The following KYNU variants were observed in gnomAD, a reference collection of about 807,000 sequenced individuals.
KYNU encodes L-kynurenine hydrolase.
Under a neutral mutation model 59.2 loss-of-function variants are expected in KYNU, and 54 were observed. The ratio of observed to expected loss-of-function variants is 0.91; its 90% CI spans 0.73 to 1.14. KYNU has a LOEUF of 1.14. KYNU is among the 50% of genes most tolerant of loss of function. KYNU has a pLI of 0.00. For synonymous variants in KYNU, 177 were observed against 192.0 expected (o/e 0.92, Z 0.65); for missense variants, 567 against 554.4 (o/e 1.02, Z -0.23).
chr2:142,987,079 A>G (rs1685226610), intron 10 of KYNU, among the ~76,000 whole-genome samples: 1 of 151,932 alleles, frequency 6.6e-6, no homozygotes, highest in African/African-American at 2.4e-5. Context: ...CTTGAATATC[A>G]TTATCAGTAC....
intron 10 of KYNU, among the ~76,000 whole-genome samples, chr2:143,023,567 T>C (rs184251991): frequency 2.6e-5 from 4 of 152,008 alleles, no homozygotes; most frequent in Admixed American, 2.6e-4. Flanking sequence ...CTGTAATGTT[T>C]GCTTTATGAG....
At chr2:142,905,960 C>A (rs1388377863) in intron 2 of KYNU, among the ~76,000 whole-genome samples, 1 of 151,658 alleles carries the variant, frequency 6.6e-6, no homozygotes, top group East Asian at 1.9e-4. Context: ...TTTTTCTTTA[C>A]TACTTCTATC....
At chr2:142,890,596 G>A (rs1480262216) in intron 2 of KYNU, among the ~76,000 whole-genome samples, 1 of 152,130 alleles carries the variant, frequency 6.6e-6, no homozygotes, top group African/African-American at 2.4e-5. Flanking sequence ...TCCTACCTTA[G>A]CTCCTGGGGT....
chr2:142,957,721 T>G lies in KYNU; in HGVS notation c.582+6T>G. On this transcript the variant is annotated splice_donor_region_variant and intron_variant, in intron 7 of 13. Coordinates refer to ENST00000264170, the MANE Select transcript of KYNU (RefSeq NM_003937.3). ...GGATGATAAAGCCAAGAGAGGTATA[T>G]GAGAAAGAAAGAAATATTTGTCATG... 6.5e-7 allele frequency: 1 copy of G among 1,549,072 alleles called. No homozygotes were observed. The highest frequency in any genetic ancestry group is 8.9e-7 in the Non-Finnish European group (1 of 1,121,338).
chr2:142,988,344 A>C (rs1488988062), intron 10 of KYNU, among the ~76,000 whole-genome samples: 1 of 151,880 alleles, frequency 6.6e-6, no homozygotes, highest in African/African-American at 2.4e-5. Flanking sequence ...ATAACCTCAA[A>C]GTTTATGGTT....
In KYNU at chr2:142,902,991, C is replaced by G. The variant is rs534616733; in HGVS notation, c.170-15618C>G. Among the ~76,000 whole-genome samples the G allele has an allele frequency of 7.2e-5, 11 of 152,266 alleles. No homozygotes were observed. The East Asian group carries it at 1.9e-3, about 27-fold the overall frequency. On this transcript the variant is annotated intron_variant, in intron 2 of 13. Transcript: ENST00000264170. ...AGGACTGTAAACCACTCTGCTTCCT[C>G]TGGTATTTGGGAAAGCAGAGTAGAA...
At chr2:142,917,569 C>T (rs1306458678) in intron 2 of KYNU, among the ~76,000 whole-genome samples, 2 of 152,044 alleles carry the variant, frequency 1.3e-5, no homozygotes, top group Admixed American at 6.6e-5. Context: ...CCAAAAGTGC[C>T]GGGATTACAG....
At chr2:142,953,747 A>C (rs2105081297) in intron 4 of KYNU, among the ~76,000 whole-genome samples, 1 of 152,294 alleles carries the variant, frequency 6.6e-6, no homozygotes, top group Non-Finnish European at 1.5e-5. Context: ...AAATGGAGAA[A>C]TCTATGTGGC....
intron 2 of KYNU, among the ~76,000 whole-genome samples, chr2:142,911,139 T>C (rs1682467139): frequency 6.6e-6 from 1 of 152,222 alleles, no homozygotes; most frequent in Non-Finnish European, 1.5e-5. Context: ...TTTGAATCTA[T>C]AAATTGCTTT....
intron 4 of KYNU, among the ~76,000 whole-genome samples, chr2:142,950,559 T>C (rs552816118): frequency 3.7e-4 from 56 of 151,842 alleles, no homozygotes; most frequent in Non-Finnish European, 6.5e-4. Flanking sequence ...ATGAGACTTA[T>C]TCACTATCAG....
At chr2:142,894,733 T>G (rs1011810235) in intron 2 of KYNU, among the ~76,000 whole-genome samples, 1 of 152,188 alleles carries the variant, frequency 6.6e-6, no homozygotes, top group African/African-American at 2.4e-5. Flanking sequence ...TGTTTCCATA[T>G]ATAGAGAGAG....
intron 10 of KYNU, among the ~76,000 whole-genome samples, chr2:143,018,614 A>T (rs546067568): frequency 1.8e-4 from 27 of 152,158 alleles, no homozygotes; most frequent in South Asian, 6.2e-4. Flanking sequence ...TGCTTTGTCT[A>T]TTTGGGCTCT....
chr2:143,022,014 A>C (rs1378239088), intron 10 of KYNU, among the ~76,000 whole-genome samples: 2 of 152,182 alleles, frequency 1.3e-5, no homozygotes, highest in Non-Finnish European at 2.9e-5. Flanking sequence ...CCAGACTACC[A>C]TACTAAAGTA....
At chr2:142,922,153 ATAC>A (rs1285120525) in intron 3 of KYNU, among the ~76,000 whole-genome samples, 1 of 152,178 alleles carries the variant, frequency 6.6e-6, no homozygotes, top group Non-Finnish European at 1.5e-5. Flanking sequence ...CACTTATTAA[ATAC>A]TACAATGCAC....
chr2:142,974,903 C>T (rs1213993818), intron 8 of KYNU, among the ~76,000 whole-genome samples: 1 of 152,128 alleles, frequency 6.6e-6, no homozygotes, highest in Admixed American at 6.6e-5. Context: ...AGGACATTCC[C>T]TTCATATTTT....
At chr2:142,981,344 A>G (rs1019161652) in intron 8 of KYNU, among the ~76,000 whole-genome samples, 1 of 152,180 alleles carries the variant, frequency 6.6e-6, no homozygotes, top group African/African-American at 2.4e-5. Context: ...AAATTGCTTC[A>G]TAAAAGTTGC....
At chr2:142,952,987 A>G (rs1169252296) in intron 4 of KYNU, among the ~76,000 whole-genome samples, 1 of 152,162 alleles carries the variant, frequency 6.6e-6, no homozygotes, top group Non-Finnish European at 1.5e-5. Flanking sequence ...CAAGAGTAAG[A>G]TCAAGTTACT....
At position 142,960,726 on chromosome 2, in the gene KYNU, C is replaced by T. The variant is rs771373782; in HGVS notation, c.685C>T (p.Gln229Ter). 1.2e-6 allele frequency: 2 copies of T among 1,613,804 alleles called. No homozygotes were observed. Among genetic ancestry groups the T allele is most frequent in the East Asian group, 2.2e-5 (1 of 44,874 alleles). ...CAGTGGGGTGCATTTTTACACTGGA[C>T]AGCACTTTAATATTCCTGCCATCAC... is the stretch of plus-strand genomic sequence containing the variant. The part of the protein sequence containing the change: ...LFSGVHFYTG[Q>*]HFNIPAITKA... The change falls in exon 8 of 14, where the codon CAG becomes TAG. Residue 229 changes from glutamine to a stop codon, truncating the protein, a stop_gained. Transcript: ENST00000264170. LOFTEE classifies it high-confidence loss of function.
At chr2:143,025,708 C>T (rs1686533147) in intron 10 of KYNU, among the ~76,000 whole-genome samples, 1 of 151,940 alleles carries the variant, frequency 6.6e-6, no homozygotes, top group African/African-American at 2.4e-5. Context: ...TTTTCAGTTC[C>T]TCCTATGCAG....
Sources: allele counts gnomAD v4.1 joint callset (sites outside exome capture counted in the v4.1 genomes callset), GRCh38; gene constraint gnomAD v4.1.1; transcripts MANE v1.5; gene names NCBI Gene and HGNC (gene_info 2026-07-23, HGNC 2026-07-21).